Variants in PCDH9 observed in about 807,000 individuals in gnomAD.
PCDH9 encodes the protein protocadherin 9.
PCDH9 carries 24 observed loss-of-function variants against 70.6 expected under a neutral mutation model. That is an observed-to-expected ratio of 0.34 (90% CI 0.25 to 0.48). The LOEUF is 0.48. Among genes scored for constraint, PCDH9 ranks in the 20% least tolerant of loss-of-function variants. PCDH9 has a pLI of 0.99. For missense variants in PCDH9, 1,281 were observed against 1,503.6 expected, an observed-to-expected ratio of 0.85 and a Z score of 2.45; for synonymous variants, 562 against 558.5, an observed-to-expected ratio of 1.01 and a Z score of -0.09.
chr13:66,982,410 C>T (rs773755580), intron 2 of PCDH9, among the ~76,000 whole-genome samples: 18 of 152,144 alleles, frequency 1.2e-4, no homozygotes, highest in Admixed American at 2.0e-4. Context: ...TTCCAAGAAA[C>T]ACTAAAAAGT....
chr13:66,968,774 C>G (rs2083470543), intron 2 of PCDH9, among the ~76,000 whole-genome samples: 1 of 151,936 alleles, frequency 6.6e-6, no homozygotes, highest in South Asian at 2.1e-4. Flanking sequence ...CACATATTAC[C>G]AAATTTGATT....
At chr13:67,044,415 A>G (rs966450282) in intron 2 of PCDH9, among the ~76,000 whole-genome samples, 1 of 152,146 alleles carries the variant, frequency 6.6e-6, no homozygotes, top group Non-Finnish European at 1.5e-5. Flanking sequence ...CCAATTCCAC[A>G]TGGCATCCTT....
At chr13:67,064,807 T>C (rs1170935714) in intron 2 of PCDH9, among the ~76,000 whole-genome samples, 1 of 152,072 alleles carries the variant, frequency 6.6e-6, no homozygotes, top group African/African-American at 2.4e-5. Flanking sequence ...AAATGACACA[T>C]TTCAACAATC....
At chr13:66,673,353 T>C (rs2324961) in intron 3 of PCDH9, among the ~76,000 whole-genome samples, 114,015 of 152,004 alleles carry the variant, frequency 0.75, 42,982 homozygotes, top group East Asian at 0.92. Context: ...CTTCCATGAT[T>C]GTGAGGCTTC....
chr13:66,333,435 G>A (rs974221258), intron 4 of PCDH9, among the ~76,000 whole-genome samples: 6 of 152,130 alleles, frequency 3.9e-5, no homozygotes, highest in South Asian at 2.1e-4. Flanking sequence ...GCCTCAAGCC[G>A]CTGTCCCTTG....
chr13:66,828,810 A>AAAAAAAAAAAAAAAAAAAAAT (rs71207607), intron 3 of PCDH9, among the ~76,000 whole-genome samples: 15 of 148,654 alleles, frequency 1.0e-4, no homozygotes, highest in African/African-American at 3.7e-4. Context: ...GCCATACATA[A>AAAAAAAAAAAAAAAAAAAAAT]AATAATAATA....
intron 4 of PCDH9, among the ~76,000 whole-genome samples, chr13:66,385,685 G>A (rs1309385379): frequency 1.3e-5 from 2 of 152,040 alleles, no homozygotes; most frequent in Admixed American, 1.3e-4. Context: ...TTATAGCTGT[G>A]CTAAAATGGT....
At chr13:67,197,485 C>T (rs1393072133) in intron 2 of PCDH9, among the ~76,000 whole-genome samples, 1 of 151,898 alleles carries the variant, frequency 6.6e-6, no homozygotes, top group African/African-American at 2.4e-5. Flanking sequence ...ATTGAGAGCC[C>T]AATAACTTTT....
At chr13:66,369,778 C>T (rs961961998) in intron 4 of PCDH9, among the ~76,000 whole-genome samples, 2 of 151,922 alleles carry the variant, frequency 1.3e-5, no homozygotes, top group Admixed American at 1.3e-4. Flanking sequence ...TGGGAATGAG[C>T]CAGCAAAAAA....
chr13:66,567,278 A>T (rs1249957350), intron 4 of PCDH9, among the ~76,000 whole-genome samples: 1 of 152,110 alleles, frequency 6.6e-6, no homozygotes, highest in Non-Finnish European at 1.5e-5. Flanking sequence ...AGGGAGGAAA[A>T]GTTTGCATAT....
At chr13:66,745,293 A>G (rs1459983251) in intron 3 of PCDH9, among the ~76,000 whole-genome samples, 3 of 152,204 alleles carry the variant, frequency 2.0e-5, no homozygotes, top group Admixed American at 2.0e-4. Context: ...CAAGTGATAG[A>G]AAAGCTCTTG....
chr13:66,686,957 C>G (rs1285282686), intron 3 of PCDH9, among the ~76,000 whole-genome samples: 1 of 152,118 alleles, frequency 6.6e-6, no homozygotes, highest in Admixed American at 6.5e-5. Flanking sequence ...TTATCAAAGA[C>G]TACTCAGAAG....
Position 66,887,064 on chromosome 13 carries a change from CA to C in PCDH9, c.3138+16439del, listed in dbSNP as rs1215666994. ...ACACACACACACACACACACACACA[CA>C]CACACACACACACCCTGTATTTCTA... On this transcript the variant is annotated intron_variant, in intron 3 of 4. Transcript: ENST00000377865. 3.3e-4 allele frequency among the ~76,000 whole-genome samples: 50 copies of C among 151,656 alleles called. No homozygotes were observed. The East Asian group carries it at 6.4e-3, about 19-fold the overall frequency.
intron 3 of PCDH9, among the ~76,000 whole-genome samples, chr13:66,717,468 AAAAAAAAAAAAAATATATATATAT>A: frequency 2.7e-5 from 1 of 37,182 alleles, no homozygotes; most frequent in South Asian, 1.5e-3. Flanking sequence ...AAAAAAAAAA[AAAAAAAAAAAAAATATATATATAT>A]ATATATATAT....
chr13:66,850,968 C>T (rs2081305806), intron 3 of PCDH9, among the ~76,000 whole-genome samples: 2 of 152,120 alleles, frequency 1.3e-5, no homozygotes, highest in Admixed American at 6.5e-5. Flanking sequence ...AAATTTCGGA[C>T]CTCCTTGAGG....
intron 4 of PCDH9, among the ~76,000 whole-genome samples, chr13:66,601,538 G>A (rs1040400331): frequency 1.4e-5 from 2 of 146,068 alleles, no homozygotes; most frequent in Non-Finnish European, 3.1e-5. Flanking sequence ...CACATCTATT[G>A]GAAATGTAAG....
intron 4 of PCDH9, among the ~76,000 whole-genome samples, chr13:66,544,607 T>C (rs963206179): frequency 1.3e-5 from 2 of 152,162 alleles, no homozygotes; most frequent in African/African-American, 4.8e-5. Flanking sequence ...CTATGGGCAG[T>C]AGACAACTGT....
chr13:66,492,690 G>T (rs1165987117), intron 4 of PCDH9, among the ~76,000 whole-genome samples: 1 of 151,906 alleles, frequency 6.6e-6, no homozygotes, highest in East Asian at 1.9e-4. Flanking sequence ...GATGGTGGAA[G>T]CCTCATTTTG....
At chr13:66,817,751 C>G (rs901622964) in intron 3 of PCDH9, among the ~76,000 whole-genome samples, 8 of 151,984 alleles carry the variant, frequency 5.3e-5, no homozygotes, top group African/African-American at 1.2e-4. Flanking sequence ...TGCCTCAGCC[C>G]TCCAAGCATT....
Sources: allele counts gnomAD v4.1 joint callset (sites outside exome capture counted in the v4.1 genomes callset), GRCh38; gene constraint gnomAD v4.1.1; transcripts MANE v1.5; gene names NCBI Gene and HGNC (gene_info 2026-07-23, HGNC 2026-07-21).